The following BRWD3 variants were observed in gnomAD, a reference collection of about 807,000 sequenced individuals.
BRWD3 encodes bromodomain and WD repeat domain containing 3.
Under a neutral mutation model 149.7 loss-of-function variants are expected in BRWD3, and 10 were observed. The observed-to-expected ratio is 0.07, with a 90% CI of 0.04 to 0.11. BRWD3 has a LOEUF of 0.11. BRWD3 is among the 10% of genes least tolerant of loss of function. The pLI, the probability that BRWD3 is intolerant of heterozygous loss-of-function variation, is 1.00. For missense variants in BRWD3, 940 were observed against 1,373.2 expected, an observed-to-expected ratio of 0.68 and a Z score of 4.99; for synonymous variants, 504 against 456.7, an observed-to-expected ratio of 1.10 and a Z score of -1.32.
chrX:80,681,553 T>C, intron 39 of BRWD3, 54 bp from the exon 40 acceptor site: 3 of 980,806 alleles, frequency 3.1e-6, no homozygotes, highest in Non-Finnish European at 4.3e-6. Context: ...TTCAGGAAAG[T>C]TAAACAGGCT....
At chrX:80,780,290 T>A (rs1328343196) in intron 6 of BRWD3, among the ~76,000 whole-genome samples, 5 of 110,920 alleles carry the variant, frequency 4.5e-5, no homozygotes, top group South Asian at 7.5e-4. Context: ...GGAATAATAA[T>A]GAGGAAAGAA....
At chrX:80,737,207 C>A (rs1156315632) in intron 8 of BRWD3, among the ~76,000 whole-genome samples, 1 of 110,897 alleles carries the variant, frequency 9.0e-6, no homozygotes, top group Non-Finnish European at 1.9e-5. Context: ...CCAGGACCTC[C>A]CATGGATACT....
chrX:80,734,369 T>C (rs1011592815), intron 10 of BRWD3, 151 bp from the exon 11 acceptor site: 4 of 456,710 alleles, frequency 8.8e-6, no homozygotes, highest in Non-Finnish European at 1.1e-5. Flanking sequence ...ACTAGCGATT[T>C]AGAGAAAATG....
At chrX:80,701,577 T>C (rs1234399972) in intron 24 of BRWD3, among the ~76,000 whole-genome samples, 1 of 88,626 alleles carries the variant, frequency 1.1e-5, no homozygotes, top group Non-Finnish European at 2.2e-5. Flanking sequence ...AAAAAAGTAG[T>C]GATAGAGATA....
chrX:80,734,043 C>T, intron 11 of BRWD3, 75 bp downstream of exon 11: 3 of 752,235 alleles, frequency 4.0e-6, no homozygotes, highest in Non-Finnish European at 6.3e-6. Context: ...TACTATGGTA[C>T]AGATCAGAAA....
chrX:80,716,044 T>A lies in BRWD3; in HGVS notation c.2325+113A>T, dbSNP rs532445329. The A allele has an allele frequency of 1.8e-5, 10 of 569,989 alleles. No individual in the cohort carries two copies. The South Asian group carries it at 2.7e-4, about 15-fold the overall frequency. 47.0% of individuals were successfully genotyped at this position (569,989 alleles called of 1,213,427 possible). On this transcript the variant is annotated intron_variant, in intron 20 of 40. Coordinates refer to ENST00000373275, the MANE Select transcript of BRWD3 (RefSeq NM_153252.5). ...TGGCTCAAAAAGTAGGTTCCCTATA[T>A]GCAGATACCTATTAAAATAGTCTCT...
chrX:80,774,671 T>A (rs1413117594), intron 6 of BRWD3, among the ~76,000 whole-genome samples: 1 of 111,959 alleles, frequency 8.9e-6, no homozygotes, highest in Non-Finnish European at 1.9e-5. Context: ...ACAAGTTTTC[T>A]ATAATCTCCC....
At chrX:80,808,946 T>C in intron 3 of BRWD3, 67 bp downstream of exon 3, 2 of 1,122,985 alleles carry the variant, frequency 1.8e-6, no homozygotes, top group Non-Finnish European at 2.4e-6. Context: ...CTTCCGCCCC[T>C]GACTTGCCCT....
chrX:80,700,758 A>C (rs937252887), intron 24 of BRWD3, among the ~76,000 whole-genome samples: 3 of 109,259 alleles, frequency 2.7e-5, no homozygotes, highest in African/African-American at 1.0e-4. Flanking sequence ...TAAATAAATA[A>C]ATAAATAAAT....
At chrX:80,743,529 A>G (rs2073549051) in intron 8 of BRWD3, among the ~76,000 whole-genome samples, 1 of 110,975 alleles carries the variant, frequency 9.0e-6, no homozygotes, top group Non-Finnish European at 1.9e-5. Context: ...CTGGTCCTGG[A>G]CTTTTTTTGG....
At chrX:80,735,841 C>A (rs199612307) in intron 9 of BRWD3, 147 bp downstream of exon 9, 2 of 294,862 alleles carry the variant, frequency 6.8e-6, no homozygotes, top group Non-Finnish European at 1.1e-5. Context: ...AATCTCTTAA[C>A]AACCTATTGA....
intron 6 of BRWD3, among the ~76,000 whole-genome samples, chrX:80,756,729 C>T (rs1368027224): frequency 9.0e-6 from 1 of 111,032 alleles, no homozygotes; most frequent in Non-Finnish European, 1.9e-5. Flanking sequence ...AGAACTGGAT[C>T]TCATTCTTCT....
chrX:80,762,436 A>C (rs2073813070), intron 6 of BRWD3, among the ~76,000 whole-genome samples: 1 of 111,303 alleles, frequency 9.0e-6, no homozygotes, highest in African/African-American at 3.3e-5. Flanking sequence ...TCATGTTTAA[A>C]TATATCAGCA....
At position 80,744,084 on chromosome X, in the gene BRWD3, C is replaced by G. The variant is rs1364734603; in HGVS notation, c.761G>C (p.Cys254Ser). 1.7e-6 allele frequency: 2 copies of G among 1,211,437 alleles called. No individual in the cohort carries two copies. Among genetic ancestry groups the G allele is most frequent in the South Asian group, 3.5e-5 (2 of 57,004 alleles). ...KVVRVWCLRTCAPVAVLQGHS... is the reference protein window; with the variant it reads ...KVVRVWCLRTSAPVAVLQGHS... ...GCCCTGAAGGACTGCAACGGGTGCACAAGTTCGAAGACACCATACTCTTAC... is the reference window on the plus strand; with the variant it reads ...GCCCTGAAGGACTGCAACGGGTGCAGAAGTTCGAAGACACCATACTCTTAC... The change falls in exon 8 of 41, where the codon TGT becomes TCT. Residue 254 changes from cysteine to serine, a missense_variant. Physicochemically the swap from Cys to Ser is moderately radical, Grantham distance 112 (BLOSUM62 -1). Coordinates refer to ENST00000373275, the MANE Select transcript of BRWD3 (RefSeq NM_153252.5).
intron 6 of BRWD3, among the ~76,000 whole-genome samples, chrX:80,776,063 G>A (rs182938865): frequency 8.9e-6 from 1 of 112,142 alleles, no homozygotes; most frequent in East Asian, 2.8e-4. Flanking sequence ...ACTTTTCAAT[G>A]TTGTCTATTT....
chrX:80,708,674 T>C (rs888666056), intron 21 of BRWD3, among the ~76,000 whole-genome samples: 7 of 110,739 alleles, frequency 6.3e-5, no homozygotes, highest in African/African-American at 2.0e-4. Context: ...AAATTAGCCA[T>C]GCATGGTGGC....
At chrX:80,707,123 T>C (rs1052049287) in intron 22 of BRWD3, among the ~76,000 whole-genome samples, 2 of 112,233 alleles carry the variant, frequency 1.8e-5, no homozygotes, top group Non-Finnish European at 3.8e-5. Context: ...TATTGGACCA[T>C]AGTCATATGC....
chrX:80,793,160 CAAAAAAAAAAA>C (rs201065966), intron 5 of BRWD3, among the ~76,000 whole-genome samples: 1 of 44,464 alleles, frequency 2.2e-5, no homozygotes, highest in Non-Finnish European at 4.1e-5. Context: ...GACTCTGTCT[CAAAAAAAAAAA>C]AAAAAAAAAA....
At chrX:80,786,445 G>A (rs970682316) in intron 6 of BRWD3, among the ~76,000 whole-genome samples, 1 of 110,777 alleles carries the variant, frequency 9.0e-6, no homozygotes, top group African/African-American at 3.3e-5. Flanking sequence ...ACTTAATGGT[G>A]AAAGATGATC....
Sources: gnomAD v4.1 joint callset for allele counts (sites outside exome capture counted in the v4.1 genomes callset) on GRCh38, gnomAD v4.1.1 for gene constraint, MANE v1.5 for transcripts, NCBI Gene and HGNC (gene_info 2026-07-23, HGNC 2026-07-21) for gene names.